Variants in CASP10 observed in about 807,000 individuals in gnomAD.
CASP10 encodes caspase-10.
In CASP10, 41 loss-of-function variants were observed where a neutral mutation model predicts 48.5. That is an observed-to-expected ratio of 0.85 (90% CI 0.66 to 1.10). The LOEUF (loss-of-function observed/expected upper bound fraction) is 1.10, where lower values mean the gene tolerates loss of function less well. Among genes scored for constraint, CASP10 ranks in the 50% least tolerant of loss-of-function variants. CASP10 has a pLI of 0.00. For missense variants in CASP10, 614 were observed against 614.5 expected, an observed-to-expected ratio of 1.00 and a Z score of 0.01; for synonymous variants, 232 against 238.4, an observed-to-expected ratio of 0.97 and a Z score of 0.25.
downstream of CASP10, among the ~76,000 whole-genome samples, chr2:201,222,000 CTG>C (rs771032896): frequency 6.6e-6 from 1 of 152,064 alleles, no homozygotes; most frequent in Non-Finnish European, 1.5e-5. Context: ...TTATGCTTGT[CTG>C]TATTTGTGTG....
intron 5 of CASP10, among the ~76,000 whole-genome samples, chr2:201,196,704 T>C (rs1944806862): frequency 6.6e-6 from 1 of 152,240 alleles, no homozygotes; most frequent in Non-Finnish European, 1.5e-5. Flanking sequence ...ACCATCTTAA[T>C]CAATTTTAAG....
intron 5 of CASP10, among the ~76,000 whole-genome samples, chr2:201,197,671 T>A (rs1944851797): frequency 6.6e-6 from 1 of 152,160 alleles, no homozygotes; most frequent in African/African-American, 2.4e-5. Flanking sequence ...CAGTTCGTTG[T>A]TTCACTTAAA....
rs41415845 is a variant in CASP10 at position 201,187,582 on chromosome 2, A to C, written c.348-124A>C. 2.1e-3 allele frequency: 1,640 copies of C among 799,008 alleles called. 17 individuals carry two copies. The highest frequency in any genetic ancestry group is 0.02 in the African/African-American group (1,218 of 59,604). 49.5% of individuals were successfully genotyped at this position (799,008 alleles called of 1,614,324 possible). A position where few individuals can be genotyped will look rare whatever the true frequency, so the allele number is the denominator to read the frequency against. Reference sequence around the variant, plus strand: ...ATTTTTTGAACCTATAAATGGGATTAATAATTGTCTACACATAGAGTTGAT... The same window carrying C: ...ATTTTTTGAACCTATAAATGGGATTCATAATTGTCTACACATAGAGTTGAT... On this transcript the variant is annotated intron_variant, in intron 2 of 9. Coordinates refer to ENST00000286186, the MANE Select transcript of CASP10 (RefSeq NM_032977.4).
At chr2:201,215,209 C>T (rs756881533) in intron 9 of CASP10, among the ~76,000 whole-genome samples, 955 of 79,696 alleles carry the variant, frequency 0.012, 7 homozygotes, top group Non-Finnish European at 0.016. Context: ...TCTCTTCCCT[C>T]GGTTTTTTTT....
chr2:201,197,507 C>T lies in CASP10; in HGVS notation c.684+1559C>T, dbSNP rs74708512. 7.2e-5 allele frequency among the ~76,000 whole-genome samples: 11 copies of T among 152,224 alleles called. No homozygotes were observed. In the East Asian group the frequency reaches 9.6e-4, roughly 13 times the overall value. ...GTGCATGCCTATAATCCCAGCTACTCGGGAGGCTGAGGCACAAGAATAGCT... is the reference window on the plus strand; with the variant it reads ...GTGCATGCCTATAATCCCAGCTACTTGGGAGGCTGAGGCACAAGAATAGCT... On this transcript the variant is annotated intron_variant, in intron 5 of 9. Transcript: ENST00000286186.
In CASP10 at chr2:201,187,667, G is replaced by C. The variant is rs746353445; in HGVS notation, c.348-39G>C. The C allele has an allele frequency of 3.5e-6, 5 of 1,437,346 alleles. No homozygotes were observed. In the Admixed American group the frequency reaches 8.4e-5, roughly 24 times the overall value. The allele number at this position is 1,437,346 out of a possible 1,614,324, so 89.0% of individuals were successfully genotyped here. A position where few individuals can be genotyped will look rare whatever the true frequency, so the allele number is the denominator to read the frequency against. On this transcript the variant is annotated intron_variant, in intron 2 of 9. Transcript: ENST00000286186. The stretch of plus-strand genomic sequence containing the variant: ...TGATTGATTATGGTGTCCTCCACAA[G>C]TGTAAGGCTTTATTTGTCATTTTGG...
chr2:201,208,020 C>T, intron 7 of CASP10, 55 bp from the exon 8 acceptor site: 1 of 1,282,910 alleles, frequency 7.8e-7, no homozygotes, highest in Non-Finnish European at 1.1e-6. Flanking sequence ...TGGTTAGAAA[C>T]ATTTAAGGCC....
chr2:201,220,867 G>GAAAGAGC lies in CASP10; in HGVS notation c.*3131_*3137dup. Reference sequence around the variant, plus strand: ...AAGTGAAGGATGGTGAGATACTGAGGAAAGAGCAAAGGATCTGGAGATCAA... The same window carrying GAAAGAGC: ...AAGTGAAGGATGGTGAGATACTGAGGAAAGAGCAAAGAGCAAAGGATCTGGAGATCAA... On this transcript the variant is annotated 3_prime_UTR_variant, in exon 10 of 10. Transcript: ENST00000286186. 1 of 985,450 alleles carries GAAAGAGC rather than the reference G, an allele frequency of 1.0e-6. No homozygotes were observed. The highest frequency in any genetic ancestry group is 1.2e-6 in the Non-Finnish European group (1 of 829,948). 61.0% of individuals were successfully genotyped at this position (985,450 alleles called of 1,614,324 possible).
chr2:201,197,358 C>G (rs1035482503), intron 5 of CASP10, among the ~76,000 whole-genome samples: 2 of 152,058 alleles, frequency 1.3e-5, no homozygotes, highest in Non-Finnish European at 2.9e-5. Context: ...CCCACACCTC[C>G]AATCCCAGCA....
At position 201,218,898 on chromosome 2, in the gene CASP10, A is replaced by T. The variant is rs1441933005; in HGVS notation, c.*1157A>T. On this transcript the variant is annotated 3_prime_UTR_variant, in exon 10 of 10. Coordinates refer to ENST00000286186, the MANE Select transcript of CASP10 (RefSeq NM_032977.4). ...ATAGGAAGTTTTTATTTGGTTAGAG[A>T]CAGGTTTCCCTGTAGGAAGATGATG... The T allele has an allele frequency of 2.0e-6, 2 of 985,364 alleles. No homozygotes were observed. Among genetic ancestry groups the T allele is most frequent in the Middle Eastern group, 5.2e-4 (1 of 1,914 alleles). 61.0% of individuals were successfully genotyped at this position (985,364 alleles called of 1,614,324 possible).
chr2:201,200,559 C>T, intron 5 of CASP10: 3 of 1,593,566 alleles, frequency 1.9e-6, no homozygotes, highest in Non-Finnish European at 8.5e-7. Context: ...TGCAGGCAAT[C>T]AGGACATGAC....
Position 201,217,918 on chromosome 2 carries a change from A to G in CASP10, c.*177A>G, listed in dbSNP as rs1019632367. ...TCTTTTGCAAGTCTAAATGTTAGAA[A>G]ACTTTCTTTTTTTTGGAGATAGTCT... On this transcript the variant is annotated 3_prime_UTR_variant, in exon 10 of 10. Coordinates refer to ENST00000286186, the MANE Select transcript of CASP10 (RefSeq NM_032977.4). 2.7e-6 allele frequency: 4 copies of G among 1,477,086 alleles called. No homozygotes were observed. Among genetic ancestry groups the G allele is most frequent in the Admixed American group, 2.4e-5 (1 of 41,540 alleles). The allele number at this position is 1,477,086 out of a possible 1,614,324, so 91.5% of individuals were successfully genotyped here.
chr2:201,200,466 T>A, intron 5 of CASP10: 1 of 1,598,386 alleles, frequency 6.3e-7, no homozygotes, highest in Non-Finnish European at 8.5e-7. Flanking sequence ...TTTTTTTAAA[T>A]GAAGGAGACC....
chr2:201,227,081 G>C (rs368599219), intron 9 of CASP10, among the ~76,000 whole-genome samples: 21 of 152,208 alleles, frequency 1.4e-4, no homozygotes, highest in East Asian at 9.6e-4. Flanking sequence ...TTGGGTCTTG[G>C]GGGGACAGGG....
chr2:201,219,910 G>A lies in CASP10; in HGVS notation c.*2169G>A. The A allele has an allele frequency of 1.0e-6, 1 of 985,350 alleles. No individual in the cohort carries two copies. The highest frequency in any genetic ancestry group is 1.2e-6 in the Non-Finnish European group (1 of 829,928). The allele number at this position is 985,350 out of a possible 1,614,324, so 61.0% of individuals were successfully genotyped here. On this transcript the variant is annotated 3_prime_UTR_variant, in exon 10 of 10. Transcript: ENST00000286186. The stretch of plus-strand genomic sequence containing the variant: ...ATTTACTGGATTTGACTTCAGCCAG[G>A]TGAACTGGAATGCCTTGGGGCGTGG...
intron 9 of CASP10, among the ~76,000 whole-genome samples, chr2:201,211,055 C>A (rs187379491): frequency 6.6e-6 from 1 of 152,180 alleles, no homozygotes; most frequent in Non-Finnish European, 1.5e-5. Context: ...GTTAGTGTAT[C>A]CATCACCTCA....
At position 201,217,915 on chromosome 2, in the gene CASP10, G is replaced by C; in HGVS notation, c.*174G>C. 6.7e-7 allele frequency: 1 copy of C among 1,489,628 alleles called. No individual in the cohort carries two copies. Among genetic ancestry groups the C allele is most frequent in the Non-Finnish European group, 8.9e-7 (1 of 1,123,314 alleles). The allele number at this position is 1,489,628 out of a possible 1,614,324, so 92.3% of individuals were successfully genotyped here. On this transcript the variant is annotated 3_prime_UTR_variant, in exon 10 of 10. Transcript: ENST00000286186. ...TTTTCTTTTGCAAGTCTAAATGTTA[G>C]AAAACTTTCTTTTTTTTGGAGATAG...
chr2:201,228,850 C>CTGG, intron 9 of CASP10: 1 of 1,258,002 alleles, frequency 7.9e-7, no homozygotes, highest in East Asian at 2.5e-5. Context: ...AAAAGCTATG[C>CTGG]CGGGGTCCAG....
Position 201,204,938 on chromosome 2 carries a change from G to A in CASP10, c.722-944G>A, listed in dbSNP as rs1164327877. 3.3e-5 allele frequency among the ~76,000 whole-genome samples: 5 copies of A among 152,320 alleles called. No homozygotes were observed. The East Asian group carries it at 7.7e-4, about 24-fold the overall frequency. On this transcript the variant is annotated intron_variant, in intron 6 of 9. Transcript: ENST00000286186. Reference sequence around the variant, plus strand: ...TGGGGAATATGGACTTGCTCAGCCTGAGGACTGACCCTTAGCAGTAGTTAA... The same window carrying A: ...TGGGGAATATGGACTTGCTCAGCCTAAGGACTGACCCTTAGCAGTAGTTAA...
Sources: allele counts gnomAD v4.1 joint callset (sites outside exome capture counted in the v4.1 genomes callset), GRCh38; gene constraint gnomAD v4.1.1; transcripts MANE v1.5; gene names NCBI Gene and HGNC (gene_info 2026-07-23, HGNC 2026-07-21).